The following RASGRF1 variants were observed in gnomAD, a reference collection of about 807,000 sequenced individuals.
The protein encoded by RASGRF1 is ras-specific guanine nucleotide-releasing factor 1.
Under a neutral mutation model 138.7 loss-of-function variants are expected in RASGRF1, and 40 were observed. The observed-to-expected ratio is 0.29, with a 90% CI of 0.22 to 0.38. The LOEUF (loss-of-function observed/expected upper bound fraction) is 0.38. RASGRF1 is among the 10% of genes least tolerant of loss of function. The probability of loss-of-function intolerance (pLI) is 1.00; values close to 1 mark genes in which losing one functional copy is unlikely to be tolerated. For missense variants in RASGRF1, 1,108 were observed against 1,650.4 expected (o/e 0.67, Z 5.69); for synonymous variants, 614 against 663.2 (o/e 0.93, Z 1.14).
At chr15:79,033,199 G>T (rs781505131) in intron 6 of RASGRF1, among the ~76,000 whole-genome samples, 5 of 152,134 alleles carry the variant, frequency 3.3e-5, no homozygotes, top group African/African-American at 4.8e-5. Context: ...GCCCTTCAAC[G>T]ATTTGATAGG....
intron 3 of RASGRF1, among the ~76,000 whole-genome samples, chr15:79,054,850 T>A (rs1052247784): frequency 1.3e-5 from 2 of 152,044 alleles, no homozygotes; most frequent in Non-Finnish European, 2.9e-5. Flanking sequence ...CCATGAGAAG[T>A]GCAGTGATAG....
In RASGRF1 at chr15:78,960,629, A is replaced by G. The variant is rs1327362503; in HGVS notation, c.*1515T>C. On this transcript the variant is annotated 3_prime_UTR_variant, in exon 27 of 27. Transcript: ENST00000558480. Reference sequence around the variant, plus strand: ...CCAGTTGCTGAGTGACTGAAACTTCATGAGAGACTCCAAATAAGAACTGAC... The same window carrying G: ...CCAGTTGCTGAGTGACTGAAACTTCGTGAGAGACTCCAAATAAGAACTGAC... 2 of 152,222 alleles carry G rather than the reference A, an allele frequency of 1.3e-5. No homozygotes were observed. Among genetic ancestry groups the G allele is most frequent in the Non-Finnish European group, 2.9e-5 (2 of 68,064 alleles). 9.4% of individuals were successfully genotyped at this position (152,222 alleles called of 1,614,324 possible). A position where few individuals can be genotyped will look rare whatever the true frequency, so the allele number is the denominator to read the frequency against.
At chr15:79,087,076 G>C (rs556126753) in intron 1 of RASGRF1, among the ~76,000 whole-genome samples, 56 of 152,228 alleles carry the variant, frequency 3.7e-4, no homozygotes, top group Non-Finnish European at 7.6e-4. Context: ...CCTGGACACT[G>C]AGGCTGCAGC....
chr15:78,986,693 T>G (rs1198569373), intron 22 of RASGRF1, among the ~76,000 whole-genome samples: 1 of 152,102 alleles, frequency 6.6e-6, no homozygotes, highest in Non-Finnish European at 1.5e-5. Flanking sequence ...AAAAAAAGAC[T>G]ACTACTTTAA....
At chr15:79,064,315 G>T in intron 2 of RASGRF1, 105 bp downstream of exon 2, 1 of 1,048,636 alleles carries the variant, frequency 9.5e-7, no homozygotes, top group Non-Finnish European at 1.4e-6. Flanking sequence ...CCTTTCCCAT[G>T]CCCTCCACTT....
At chr15:78,982,246 T>C (rs891589468) in intron 23 of RASGRF1, among the ~76,000 whole-genome samples, 3 of 152,186 alleles carry the variant, frequency 2.0e-5, no homozygotes, top group Non-Finnish European at 4.4e-5. Context: ...CAGTTCTAGA[T>C]GAAGTGTCAC....
intron 5 of RASGRF1, among the ~76,000 whole-genome samples, chr15:79,045,732 G>T (rs1409206136): frequency 6.6e-6 from 1 of 152,136 alleles, no homozygotes; most frequent in Non-Finnish European, 1.5e-5. Context: ...CCCACGCTGG[G>T]GTGTTCCACA....
chr15:79,086,966 G>A (rs755563068), intron 1 of RASGRF1, among the ~76,000 whole-genome samples: 1 of 152,210 alleles, frequency 6.6e-6, no homozygotes, highest in Non-Finnish European at 1.5e-5. Context: ...CTGAGCAAAG[G>A]GCCCAGGCCA....
intron 15 of RASGRF1, among the ~76,000 whole-genome samples, chr15:79,003,246 A>G (rs2056579938): frequency 2.0e-5 from 3 of 152,230 alleles, no homozygotes; most frequent in Admixed American, 2.0e-4. Flanking sequence ...ATTGAGATCG[A>G]ACAGTTCTTC....
intron 24 of RASGRF1, among the ~76,000 whole-genome samples, chr15:78,974,381 G>A (rs188201985): frequency 2.6e-4 from 39 of 152,272 alleles, no homozygotes; most frequent in African/African-American, 9.4e-4. Flanking sequence ...TGGCCACCTG[G>A]CAACCCTGCT....
chr15:79,025,160 C>T (rs913010201), intron 10 of RASGRF1, among the ~76,000 whole-genome samples, 154 bp downstream of exon 10: 19 of 152,314 alleles, frequency 1.2e-4, no homozygotes, highest in Middle Eastern at 3.4e-3. Flanking sequence ...CTCCAGCTGG[C>T]CAAACTATGG....
chr15:79,020,074 A>C lies in RASGRF1; in HGVS notation c.1573T>G (p.Leu525Val). 1.2e-6 allele frequency: 2 copies of C among 1,614,116 alleles called. No homozygotes were observed. The highest frequency in any genetic ancestry group is 1.7e-6 in the Non-Finnish European group (2 of 1,180,032). ...NGVISLIDCT[L>V]LEEPESTEEE... ...TCCGTGCTTTCTGGCTCCTCCAATA[A>C]AGTGCAGTCAATGAGGGATATGACT... Residue 525 changes from leucine (L) to valine (V), a missense_variant, in exon 11 of 27, where the codon TTA (leucine) becomes GTA (valine). Leu to Val is a conservative substitution (Grantham distance 32, BLOSUM62 1). This residue lies in a region of RASGRF1 where 686 missense variants were observed against 976.7 expected (regional missense o/e 0.70). Coordinates refer to ENST00000558480, the MANE Select transcript of RASGRF1 (RefSeq NM_001145648.3).
chr15:79,046,271 G>A lies in RASGRF1; in HGVS notation c.878+475C>T, dbSNP rs8023955. Among the ~76,000 whole-genome samples the A allele has an allele frequency of 0.043, 6,596 of 152,288 alleles. 466 individuals are homozygous for A. Among genetic ancestry groups the A allele is most frequent in the African/African-American group, 0.15 (6,080 of 41,546 alleles). On this transcript the variant is annotated intron_variant, in intron 5 of 26. Coordinates refer to ENST00000558480, the MANE Select transcript of RASGRF1 (RefSeq NM_001145648.3). This position sits in a 1 kb window ranked among gnomAD's most constrained non-coding sequence, Gnocchi z 5.3. ...CAAAGAATAAGGTACTTTAGTTTAC[G>A]TTTTGTAGCTTGATTTATAACTCTT...
rs1440862886 is a variant in RASGRF1 at position 79,006,013 on chromosome 15, G to A, written c.2075+173C>T. On this transcript the variant is annotated intron_variant, in intron 14 of 26. Transcript: ENST00000558480. The surrounding 1 kb of genome is among the most constrained non-coding windows in gnomAD (Gnocchi z 4.0). ...TGTCCCTGCCTCTCTGCAGAGGGAG[G>A]CTTGGTTCCTGGGGAGAGGGGGCAG... Among the ~76,000 whole-genome samples the A allele has an allele frequency of 1.3e-5, 2 of 152,216 alleles. No individual in the cohort carries two copies. The highest frequency in any genetic ancestry group is 1.3e-4 in the Admixed American group (2 of 15,288).
intron 22 of RASGRF1, chr15:78,985,926 G>GAAAAAAAAAAAAAAAAAAAAAA (rs10584043): frequency 1.2e-5 from 1 of 83,374 alleles, no homozygotes; most frequent in Non-Finnish European, 2.1e-5. Context: ...CTCCATCTCA[G>GAAAAAAAAAAAAAAAAAAAAAA]AAAAAAAAAA....
intron 5 of RASGRF1, among the ~76,000 whole-genome samples, chr15:79,041,746 C>T (rs1218996773): frequency 6.6e-6 from 1 of 152,212 alleles, no homozygotes; most frequent in Non-Finnish European, 1.5e-5. Flanking sequence ...AGGAGCAGGA[C>T]AGAACCAGGC....
chr15:78,998,690 C>T (rs766009272), intron 18 of RASGRF1, 29 bp downstream of exon 18: 1 of 1,570,768 alleles, frequency 6.4e-7, no homozygotes, highest in Middle Eastern at 1.7e-4. Context: ...TGGTCCCCAG[C>T]AGCCTGCCCA....
chr15:79,004,009 T>C lies in RASGRF1; in HGVS notation c.2242A>G (p.Ile748Val). 1 of 1,614,004 alleles carries C rather than the reference T, an allele frequency of 6.2e-7. No homozygotes were observed. Among genetic ancestry groups the C allele is most frequent in the Non-Finnish European group, 8.5e-7 (1 of 1,180,002 alleles). The change falls in exon 15 of 27, where the codon ATC becomes GTC. Residue 748 changes from isoleucine to valine, a missense_variant. By Grantham distance (29) the Ile-to-Val change is conservative. Coordinates refer to ENST00000558480, the MANE Select transcript of RASGRF1 (RefSeq NM_001145648.3). ...RRKLSLNIPI[I>V]TGGKALDLAA... is the part of the protein sequence containing the mutation. Reference sequence around the variant, plus strand: ...AGGTCCAGGGCCTTGCCGCCAGTGATGATGGGGATGTTCAGGGAGAGCTTC... The same window carrying C: ...AGGTCCAGGGCCTTGCCGCCAGTGACGATGGGGATGTTCAGGGAGAGCTTC...
At chr15:79,013,091 G>C (rs756864832) in intron 13 of RASGRF1, among the ~76,000 whole-genome samples, 3 of 152,312 alleles carry the variant, frequency 2.0e-5, no homozygotes, top group African/African-American at 7.2e-5. Context: ...TTATTGAAAC[G>C]GATCTAGGAA....
Sources: gnomAD v4.1 joint callset for allele counts (sites outside exome capture counted in the v4.1 genomes callset) on GRCh38, gnomAD v4.1.1 for gene constraint, gnomAD v4.1.1 regional missense constraint, Gnocchi (gnomAD v3.1) non-coding constraint, MANE v1.5 for transcripts, NCBI Gene and HGNC (gene_info 2026-07-23, HGNC 2026-07-21) for gene names.